The following PCNT variants were observed in gnomAD, a reference collection of about 807,000 sequenced individuals.
PCNT encodes the protein pericentrin.
Under a neutral mutation model 380.4 loss-of-function variants are expected in PCNT, and 319 were observed. That is an observed-to-expected ratio of 0.84 (90% CI 0.77 to 0.92). The LOEUF (loss-of-function observed/expected upper bound fraction) is 0.92, where lower values mean the gene tolerates loss of function less well. Among genes scored for constraint, PCNT ranks in the 40% least tolerant of loss-of-function variants. The pLI, the probability that PCNT is intolerant of heterozygous loss-of-function variation, is 0.00. For synonymous variants in PCNT, 1,845 were observed against 1,735.2 expected (o/e 1.06, Z -1.57); for missense variants, 4,400 against 4,255.3 (o/e 1.03, Z -0.95).
At chr21:46,379,820 T>G (rs986595893) in intron 15 of PCNT, among the ~76,000 whole-genome samples, 4 of 152,168 alleles carry the variant, frequency 2.6e-5, no homozygotes, top group Non-Finnish European at 5.9e-5. Context: ...GGGCCCTGCG[T>G]GCATTGTGCC....
chr21:46,360,484 A>T (rs185361729), intron 13 of PCNT, among the ~76,000 whole-genome samples: 1 of 146,896 alleles, frequency 6.8e-6, no homozygotes, highest in African/African-American at 2.5e-5. Flanking sequence ...CGGACTCCCA[A>T]AGTGCTGGGA....
At chr21:46,346,275 A>C in intron 4 of PCNT, 67 bp downstream of exon 4, 5 of 706,880 alleles carry the variant, frequency 7.1e-6, no homozygotes, top group Non-Finnish European at 1.0e-5. Flanking sequence ...CACAGTGGGC[A>C]TCCGGGTGGG....
chr21:46,333,126 A>G (rs936378336), intron 2 of PCNT, among the ~76,000 whole-genome samples: 22 of 151,776 alleles, frequency 1.4e-4, no homozygotes, highest in African/African-American at 5.3e-4. Context: ...AAATTAATTA[A>G]ATTTCTTTTT....
chr21:46,438,464 C>A (rs957048078), intron 41 of PCNT, 127 bp downstream of exon 41: 10 of 802,750 alleles, frequency 1.2e-5, no homozygotes, highest in Admixed American at 2.1e-5. Context: ...TCTCCCTAAC[C>A]GCCAGGCTCT....
chr21:46,363,192 T>G (rs1480661199), intron 13 of PCNT, among the ~76,000 whole-genome samples: 5 of 152,232 alleles, frequency 3.3e-5, no homozygotes, highest in Admixed American at 2.0e-4. Flanking sequence ...TCGGCTGATG[T>G]GTGCTGCCTT....
intron 4 of PCNT, 80 bp downstream of exon 4, chr21:46,346,288 T>TGGGGGGGGGGG: frequency 1.8e-6 from 1 of 540,918 alleles, no homozygotes; most frequent in Non-Finnish European, 3.6e-6. Context: ...CGGGTGGGGG[T>TGGGGGGGGGGG]GGGGTGGGCG....
In PCNT at chr21:46,428,596, T is replaced by C; in HGVS notation, c.7690+6T>C. 6.3e-7 allele frequency: 1 copy of C among 1,590,812 alleles called. No homozygotes were observed. The highest frequency in any genetic ancestry group is 2.3e-5 in the East Asian group (1 of 44,400). ...GCACCAGCTGCGCAGGCAGGGTGGG[T>C]GTCACTGTCTACACTGCCTGGGGCC... is the stretch of plus-strand genomic sequence containing the variant. On this transcript the variant is annotated splice_donor_region_variant and intron_variant, in intron 35 of 46. Transcript: ENST00000359568.
Position 46,444,828 on chromosome 21 carries a change from C to T in PCNT, c.9967+7C>T. On this transcript the variant is annotated splice_region_variant and intron_variant, in intron 46 of 46. Coordinates refer to ENST00000359568, the MANE Select transcript of PCNT (RefSeq NM_006031.6). ...TTGGGAGGGGTACTACCAGGTAATGCAAGTCCTCGCCGAGTATTTATTAAG... is the reference window on the plus strand; with the variant it reads ...TTGGGAGGGGTACTACCAGGTAATGTAAGTCCTCGCCGAGTATTTATTAAG... 4 of 1,612,280 alleles carry T rather than the reference C, an allele frequency of 2.5e-6. No homozygotes were observed. Among genetic ancestry groups the T allele is most frequent in the Non-Finnish European group, 3.4e-6 (4 of 1,178,350 alleles).
At chr21:46,418,362 A>T (rs1002924074) in intron 31 of PCNT, 56 bp downstream of exon 31, 3 of 1,050,042 alleles carry the variant, frequency 2.9e-6, no homozygotes, top group Middle Eastern at 2.0e-4. Context: ...CCTAGCACAG[A>T]ATAGTCAAAA....
chr21:46,341,237 T>C (rs1305516158), intron 3 of PCNT, among the ~76,000 whole-genome samples: 1 of 152,124 alleles, frequency 6.6e-6, no homozygotes, highest in Non-Finnish European at 1.5e-5. Flanking sequence ...ATCACTATTA[T>C]TTTGGGTCTG....
intron 3 of PCNT, among the ~76,000 whole-genome samples, chr21:46,336,987 TTTG>T (rs1269565366): frequency 3.5e-4 from 6 of 17,198 alleles, no homozygotes; most frequent in Non-Finnish European, 1.8e-3. Context: ...GGTTGTTTTT[TTTG>T]TTTGTTTGTT....
intron 2 of PCNT, among the ~76,000 whole-genome samples, chr21:46,328,268 TC>T (rs71304996): frequency 1.1e-3 from 31 of 27,714 alleles, no homozygotes; most frequent in Admixed American, 4.0e-3. Flanking sequence ...TTTTTTTTTT[TC>T]CCGTTTTCTT....
chr21:46,357,634 G>T (rs1265940500), intron 13 of PCNT, among the ~76,000 whole-genome samples: 1 of 152,082 alleles, frequency 6.6e-6, no homozygotes, highest in Non-Finnish European at 1.5e-5. Context: ...TCACCTTGTT[G>T]GCCAGGCAGG....
At chr21:46,374,557 G>A (rs1377673226) in intron 15 of PCNT, among the ~76,000 whole-genome samples, 4 of 152,136 alleles carry the variant, frequency 2.6e-5, no homozygotes, top group Non-Finnish European at 5.9e-5. Context: ...ACCGTGAAAA[G>A]ACATAACACA....
Position 46,436,041 on chromosome 21 carries a change from G to C in PCNT, c.8889G>C (p.Ser2963=), listed in dbSNP as rs151325202. The change falls in exon 39 of 47, where the codon TCG becomes TCC. Residue 2963 remains serine, a synonymous_variant. Transcript: ENST00000359568. Reference sequence around the variant, plus strand: ...GTTCTGCCCGCAGGGCTGCCGGCTCGGATGCGGACCACCTCCGGGAACAGC... The same window carrying C: ...GTTCTGCCCGCAGGGCTGCCGGCTCCGATGCGGACCACCTCCGGGAACAGC... The part of the protein sequence containing the change: ...HLGSARRAAG[S]DADHLREQQR... 6.8e-6 allele frequency: 11 copies of C among 1,613,732 alleles called. No homozygotes were observed. In the African/African-American group the frequency reaches 1.3e-4, roughly 20 times the overall value.
rs1225200984 is a variant in PCNT, at chr21:46,324,409, T to A, written c.54+127T>A. 4.8e-6 allele frequency: 4 copies of A among 840,210 alleles called. No individual in the cohort carries two copies. The African/African-American group carries it at 5.1e-5, about 11-fold the overall frequency. 52.0% of individuals were successfully genotyped at this position (840,210 alleles called of 1,614,324 possible). A position where few individuals can be genotyped will look rare whatever the true frequency, so the allele number is the denominator to read the frequency against. On this transcript the variant is annotated intron_variant, in intron 1 of 46. Coordinates refer to ENST00000359568, the MANE Select transcript of PCNT (RefSeq NM_006031.6). ...GGAAGCCGCCGCGGAGGTCTCGCTT[T>A]TTCCCGCCGGCTCCGCTGGAAGCCG...
intron 37 of PCNT, 179 bp from the exon 38 acceptor site, chr21:46,431,350 G>A (rs564282706): frequency 6.9e-7 from 1 of 1,455,868 alleles, no homozygotes; most frequent in South Asian, 1.4e-5. Context: ...TCCGCAGTCT[G>A]GGTTTTTTGT....
rs1283160299 is a variant in PCNT, at chr21:46,440,773, A to C, written c.9394-82A>C. 7 of 864,420 alleles carry C rather than the reference A, an allele frequency of 8.1e-6. No homozygotes were observed. The East Asian group carries it at 1.7e-4, about 21-fold the overall frequency. The allele number at this position is 864,420 out of a possible 1,614,324, so 53.5% of individuals were successfully genotyped here. On this transcript the variant is annotated intron_variant, in intron 42 of 46. Coordinates refer to ENST00000359568, the MANE Select transcript of PCNT (RefSeq NM_006031.6). ...GAAAAAACAATCTGACTCTTTGGAA[A>C]GAGCAATGGTGTTAATGTGCTTTTG...
In PCNT at chr21:46,411,461, G is replaced by A; in HGVS notation, c.5388G>A (p.Leu1796=). The stretch of plus-strand genomic sequence containing the variant: ...TACAGGGCGAGCTCGAGGCTGCGCT[G>A]GAAGCCAAGGAGGCCCTGAGCCGGC... ...QALQGELEAA[L]EAKEALSRLL... is the part of the protein sequence containing the mutation. The change falls in exon 28 of 47, where the codon CTG becomes CTA. Residue 1796 remains leucine (L), a synonymous_variant. Coordinates refer to ENST00000359568, the MANE Select transcript of PCNT (RefSeq NM_006031.6). 1 of 1,610,410 alleles carries A rather than the reference G, an allele frequency of 6.2e-7. No homozygotes were observed. Among genetic ancestry groups the A allele is most frequent in the South Asian group, 1.1e-5 (1 of 90,954 alleles).
Sources: gnomAD v4.1 joint callset for allele counts (sites outside exome capture counted in the v4.1 genomes callset) on GRCh38, gnomAD v4.1.1 for gene constraint, MANE v1.5 for transcripts, NCBI Gene and HGNC (gene_info 2026-07-23, HGNC 2026-07-21) for gene names.